Variants in RIN2 observed in about 807,000 individuals in gnomAD.
RIN2 encodes Ras and Rab interactor 2.
Under a neutral mutation model 78.0 loss-of-function variants are expected in RIN2, and 36 were observed. The ratio of observed to expected loss-of-function variants is 0.46; its 90% confidence interval spans 0.35 to 0.61. RIN2 has a LOEUF of 0.61. Among genes scored for constraint, RIN2 ranks in the 20% least tolerant of loss-of-function variants. RIN2 has a pLI of 0.00. For synonymous variants in RIN2, 466 were observed against 466.8 expected (o/e 1.00, Z 0.02); for missense variants, 1,087 against 1,159.7 (o/e 0.94, Z 0.91).
At chr20:19,908,210 G>A (rs1353825129) in intron 3 of RIN2, among the ~76,000 whole-genome samples, 2 of 152,106 alleles carry the variant, frequency 1.3e-5, no homozygotes, top group Non-Finnish European at 1.5e-5. Flanking sequence ...TTTGGACATC[G>A]GCCAGGCGCG....
chr20:19,990,370 T>C, intron 10 of RIN2, 59 bp downstream of exon 10: 1 of 1,493,748 alleles, frequency 6.7e-7, no homozygotes. Context: ...GGGACAGGCC[T>C]CTCTCCTGTC....
intron 1 of RIN2, among the ~76,000 whole-genome samples, chr20:19,759,527 T>G (rs995404170): frequency 1.3e-5 from 2 of 152,202 alleles, no homozygotes; most frequent in Non-Finnish European, 2.9e-5. Context: ...AAATTCATGA[T>G]AAGCAAAAAT....
At chr20:19,931,416 C>CTAAT (rs2040434488) in intron 3 of RIN2, among the ~76,000 whole-genome samples, 1 of 152,180 alleles carries the variant, frequency 6.6e-6, no homozygotes. Context: ...GCTGAGATTA[C>CTAAT]AGGCATGAGC....
chr20:19,895,332 G>T (rs1165667342), intron 3 of RIN2, among the ~76,000 whole-genome samples: 1 of 152,150 alleles, frequency 6.6e-6, no homozygotes, highest in African/African-American at 2.4e-5. Context: ...GCAAAGAATG[G>T]TGCCAGAAGA....
intron 3 of RIN2, among the ~76,000 whole-genome samples, chr20:19,894,034 C>T (rs2038605933): frequency 6.6e-6 from 1 of 152,054 alleles, no homozygotes; most frequent in African/African-American, 2.4e-5. Flanking sequence ...ATGGTGCCAC[C>T]ACACTCCAGC....
intron 10 of RIN2, among the ~76,000 whole-genome samples, chr20:19,990,617 A>T (rs2042769131): frequency 1.3e-5 from 2 of 152,060 alleles, no homozygotes; most frequent in African/African-American, 4.8e-5. Context: ...CTCCGAGAAG[A>T]AGAAAATTAA....
At chr20:19,970,423 C>G (rs768831518) in intron 7 of RIN2, among the ~76,000 whole-genome samples, 2 of 152,216 alleles carry the variant, frequency 1.3e-5, no homozygotes, top group Non-Finnish European at 2.9e-5. Context: ...TGGGCTAATT[C>G]ATCTCGGTTT....
At chr20:19,765,346 T>C (rs2033840415) in intron 1 of RIN2, among the ~76,000 whole-genome samples, 1 of 152,166 alleles carries the variant, frequency 6.6e-6, no homozygotes, top group South Asian at 2.1e-4. Flanking sequence ...TGGGCATTGA[T>C]TGTATGTGTT....
chr20:19,856,499 C>T (rs1186399067), intron 2 of RIN2, among the ~76,000 whole-genome samples: 1 of 147,904 alleles, frequency 6.8e-6, no homozygotes, highest in African/African-American at 2.5e-5. Flanking sequence ...TGTCACTGTA[C>T]TCCAGGCTGG....
intron 1 of RIN2, among the ~76,000 whole-genome samples, chr20:19,774,268 C>T (rs1425238852): frequency 6.6e-6 from 1 of 152,108 alleles, no homozygotes; most frequent in East Asian, 1.9e-4. Context: ...CAGGAGAGAG[C>T]CCTGGGATTG....
chr20:19,824,168 C>G (rs2036015204), intron 2 of RIN2, among the ~76,000 whole-genome samples: 1 of 152,156 alleles, frequency 6.6e-6, no homozygotes, highest in Admixed American at 6.5e-5. Flanking sequence ...CTCCCAATGG[C>G]CTTTCCCTTT....
At chr20:19,927,499 CTGTCT>C (rs2040270915) in intron 3 of RIN2, among the ~76,000 whole-genome samples, 1 of 151,928 alleles carries the variant, frequency 6.6e-6, no homozygotes, top group Admixed American at 6.5e-5. Context: ...ACTGCAACCT[CTGTCT>C]CCCAGGTTCA....
chr20:19,828,595 T>G (rs2036163971), intron 2 of RIN2, among the ~76,000 whole-genome samples: 1 of 152,196 alleles, frequency 6.6e-6, no homozygotes, highest in South Asian at 2.1e-4. Flanking sequence ...TTCATCTCCA[T>G]TATCTTCTAA....
chr20:19,762,212 A>G (rs1237146439), intron 1 of RIN2, among the ~76,000 whole-genome samples: 1 of 152,244 alleles, frequency 6.6e-6, no homozygotes, highest in East Asian at 1.9e-4. Flanking sequence ...GTTTGAAATC[A>G]GGTATTTTTA....
At chr20:19,901,657 G>A (rs1473947100) in intron 3 of RIN2, among the ~76,000 whole-genome samples, 1 of 152,114 alleles carries the variant, frequency 6.6e-6, no homozygotes, top group African/African-American at 2.4e-5. Flanking sequence ...CAACTATTTT[G>A]GTGCCACTCC....
At chr20:19,802,867 GA>G (rs1381717649) in intron 2 of RIN2, among the ~76,000 whole-genome samples, 1 of 152,098 alleles carries the variant, frequency 6.6e-6, no homozygotes, top group Non-Finnish European at 1.5e-5. Flanking sequence ...GACCCTGTTG[GA>G]AACAATGTAT....
At chr20:19,958,145 A>C (rs1234583769) in intron 5 of RIN2, among the ~76,000 whole-genome samples, 1 of 152,198 alleles carries the variant, frequency 6.6e-6, no homozygotes, top group African/African-American at 2.4e-5. Flanking sequence ...TTTATTCCTC[A>C]TCAGGCAGAA....
chr20:19,870,505 GGC>G lies in RIN2; in HGVS notation c.-36-19060_-36-19059del, dbSNP rs1260840776. ...CTACTAAAAATACAAAAATTAGCCA[GGC>G]ACGATGGTGCACGTCTGTAATCCTA... On this transcript the variant is annotated intron_variant, in intron 2 of 12. Transcript: ENST00000255006. Among the ~76,000 whole-genome samples, 47 of 152,224 alleles carry G rather than the reference GGC, an allele frequency of 3.1e-4. 1 individual carries two copies. Among genetic ancestry groups the G allele is most frequent in the Middle Eastern group, 6.8e-3 (2 of 294 alleles).
chr20:19,985,604 T>C (rs2042596214), intron 9 of RIN2, among the ~76,000 whole-genome samples: 1 of 152,140 alleles, frequency 6.6e-6, no homozygotes, highest in Admixed American at 6.6e-5. Flanking sequence ...GGGCATGGTG[T>C]CTTATGCCTA....
Sources: gnomAD v4.1 joint callset for allele counts (sites outside exome capture counted in the v4.1 genomes callset) on GRCh38, gnomAD v4.1.1 for gene constraint, MANE v1.5 for transcripts, NCBI Gene and HGNC (gene_info 2026-07-23, HGNC 2026-07-21) for gene names.